SLC25A21: variants seen among roughly 807,000 people sequenced by gnomAD.
SLC25A21 encodes mitochondrial 2-oxodicarboxylate carrier.
SLC25A21 carries 47 observed loss-of-function variants against 43.8 expected under a neutral mutation model. The ratio of observed to expected loss-of-function variants is 1.07; its 90% confidence interval spans 0.85 to 1.37. SLC25A21 has a LOEUF of 1.37. SLC25A21 is among the 40% of genes most tolerant of loss of function. The pLI is 0.00. For synonymous variants in SLC25A21, 131 were observed against 121.3 expected (o/e 1.08, Z -0.52); for missense variants, 352 against 350.2 (o/e 1.00, Z -0.04).
intron 6 of SLC25A21, among the ~76,000 whole-genome samples, chr14:36,722,092 C>T (rs563288729): frequency 4.6e-5 from 7 of 152,300 alleles, no homozygotes; most frequent in South Asian, 2.1e-4. Context: ...TTACTACCCA[C>T]GTGGCCATTG....
intron 3 of SLC25A21, among the ~76,000 whole-genome samples, chr14:36,774,442 T>C (rs555837648): frequency 6.6e-6 from 1 of 152,244 alleles, no homozygotes; most frequent in Non-Finnish European, 1.5e-5. Flanking sequence ...AGATTACTTC[T>C]GGGAAAGCCA....
intron 7 of SLC25A21, among the ~76,000 whole-genome samples, chr14:36,708,499 A>G (rs1379378755): frequency 1.3e-5 from 2 of 152,062 alleles, no homozygotes; most frequent in Non-Finnish European, 2.9e-5. Flanking sequence ...GTGCAGTGCC[A>G]TGGTCATGGT....
intron 1 of SLC25A21, among the ~76,000 whole-genome samples, chr14:36,894,724 AATTT>A (rs1891186833): frequency 6.6e-6 from 1 of 152,144 alleles, no homozygotes; most frequent in African/African-American, 2.4e-5. Context: ...ATCAATACCT[AATTT>A]ATTGAGAGTT....
chr14:37,075,760 T>C (rs1962267215), intron 1 of SLC25A21, among the ~76,000 whole-genome samples: 1 of 152,214 alleles, frequency 6.6e-6, no homozygotes. Flanking sequence ...GATTATTGAG[T>C]CATATGTGAC....
chr14:37,170,255 C>T (rs1392266515), intron 1 of SLC25A21, among the ~76,000 whole-genome samples: 2 of 152,120 alleles, frequency 1.3e-5, no homozygotes, highest in Admixed American at 1.3e-4. Flanking sequence ...AGGATGGTCT[C>T]GATCTCTTGA....
At chr14:36,949,428 A>C (rs1403813865) in intron 1 of SLC25A21, among the ~76,000 whole-genome samples, 3 of 152,216 alleles carry the variant, frequency 2.0e-5, no homozygotes, top group African/African-American at 7.2e-5. Flanking sequence ...TACATTTGTA[A>C]ACCAAACCAA....
chr14:37,105,609 T>C lies in SLC25A21; in HGVS notation c.70+66672A>G, dbSNP rs554772806. On this transcript the variant is annotated intron_variant, in intron 1 of 9. Coordinates refer to ENST00000331299, the MANE Select transcript of SLC25A21 (RefSeq NM_030631.4). The stretch of plus-strand genomic sequence containing the variant: ...AGAGAGTCAGCGTGGGGATGAATCA[T>C]GGCTATCCATTCCAAAAGGTGAAAG... 1.8e-4 allele frequency among the ~76,000 whole-genome samples: 27 copies of C among 152,314 alleles called. 1 individual carries two copies. In the South Asian group the frequency reaches 3.9e-3, roughly 22 times the overall value.
intron 3 of SLC25A21, among the ~76,000 whole-genome samples, chr14:36,758,743 G>A (rs913937761): frequency 1.3e-5 from 2 of 152,076 alleles, no homozygotes; most frequent in Non-Finnish European, 2.9e-5. Context: ...GACTGATAGG[G>A]ACCTGAAAGC....
chr14:37,057,464 T>C (rs1190010243), intron 1 of SLC25A21, among the ~76,000 whole-genome samples: 1 of 152,246 alleles, frequency 6.6e-6, no homozygotes, highest in African/African-American at 2.4e-5. Flanking sequence ...TTGAGTTTTC[T>C]AGCTCCCTTT....
intron 1 of SLC25A21, among the ~76,000 whole-genome samples, chr14:37,159,168 C>A (rs1002817986): frequency 2.0e-5 from 3 of 151,380 alleles, no homozygotes; most frequent in Admixed American, 6.6e-5. Flanking sequence ...CCAAAGCAAT[C>A]TACAGATTCA....
intron 3 of SLC25A21, among the ~76,000 whole-genome samples, chr14:36,759,018 A>C (rs1886042402): frequency 6.6e-6 from 1 of 152,172 alleles, no homozygotes; most frequent in African/African-American, 2.4e-5. Flanking sequence ...TATTCAGCTC[A>C]TGTTCATTCT....
chr14:36,777,536 T>C lies in SLC25A21; in HGVS notation c.203+36382A>G, dbSNP rs561271568. Among the ~76,000 whole-genome samples the C allele has an allele frequency of 1.2e-4, 19 of 152,186 alleles. No homozygotes were observed. The South Asian group carries it at 3.7e-3, about 30-fold the overall frequency. ...CTAAATTTGATGCTGGGTATTCTTATAGAAGCCAAAAAATGAGAAGATACT... is the reference window on the plus strand; with the variant it reads ...CTAAATTTGATGCTGGGTATTCTTACAGAAGCCAAAAAATGAGAAGATACT... On this transcript the variant is annotated intron_variant, in intron 3 of 9. Transcript: ENST00000331299.
At chr14:36,823,470 C>T (rs1038036588) in intron 2 of SLC25A21, among the ~76,000 whole-genome samples, 43 of 152,224 alleles carry the variant, frequency 2.8e-4, no homozygotes, top group African/African-American at 9.9e-4. Flanking sequence ...ATATTTAATG[C>T]TAACAAATGA....
Position 37,169,407 on chromosome 14 carries a change from C to T in SLC25A21, c.70+2874G>A, listed in dbSNP as rs929319238. 2.6e-5 allele frequency among the ~76,000 whole-genome samples: 4 copies of T among 152,132 alleles called. No homozygotes were observed. In the East Asian group the frequency reaches 5.8e-4, roughly 22 times the overall value. On this transcript the variant is annotated intron_variant, in intron 1 of 9. Coordinates refer to ENST00000331299, the MANE Select transcript of SLC25A21 (RefSeq NM_030631.4). ...GAGAAGAGATGGAGAGACTTCACTT[C>T]CTGAGTTATCCTCAGCACTCCAGCC...
intron 1 of SLC25A21, among the ~76,000 whole-genome samples, chr14:37,046,221 G>A (rs559313613): frequency 1.1e-4 from 16 of 152,178 alleles, no homozygotes; most frequent in East Asian, 3.9e-4. Context: ...CTTTGCCGAC[G>A]CTCTCAAGCT....
In SLC25A21 at chr14:36,834,498, T is replaced by A. The variant is rs374848871; in HGVS notation, c.120-20497A>T. On this transcript the variant is annotated intron_variant, in intron 2 of 9. Coordinates refer to ENST00000331299, the MANE Select transcript of SLC25A21 (RefSeq NM_030631.4). ...TTGCAATGAGGATTAAATGAGATAA[T>A]GTGTATAAAATACTTGGTACCTTGG... Among the ~76,000 whole-genome samples, 16 of 152,320 alleles carry A rather than the reference T, an allele frequency of 1.1e-4. No individual in the cohort carries two copies. The East Asian group carries it at 2.7e-3, about 26-fold the overall frequency.
At chr14:36,963,699 G>A (rs533526370) in intron 1 of SLC25A21, among the ~76,000 whole-genome samples, 20 of 152,226 alleles carry the variant, frequency 1.3e-4, no homozygotes, top group Admixed American at 8.5e-4. Context: ...CTTACTTAGC[G>A]CCAGGCCAGG....
intron 1 of SLC25A21, among the ~76,000 whole-genome samples, chr14:36,960,697 C>T (rs1394352291): frequency 6.6e-6 from 1 of 152,124 alleles, no homozygotes; most frequent in Admixed American, 6.5e-5. Context: ...TATGGCAAAT[C>T]CCTCTAAAGC....
chr14:36,986,762 GTTCT>G (rs111289696), intron 1 of SLC25A21, among the ~76,000 whole-genome samples: 2 of 152,092 alleles, frequency 1.3e-5, no homozygotes, highest in African/African-American at 4.8e-5. Flanking sequence ...ATGTTTAGGT[GTTCT>G]TTGTTTCTTT....
Sources: gnomAD v4.1 joint callset for allele counts (sites outside exome capture counted in the v4.1 genomes callset) on GRCh38, gnomAD v4.1.1 for gene constraint, MANE v1.5 for transcripts, NCBI Gene and HGNC (gene_info 2026-07-23, HGNC 2026-07-21) for gene names.